Variants in EVC2 observed in about 807,000 individuals in gnomAD.
EVC2 encodes limbin.
EVC2 carries 148 observed loss-of-function variants against 149.3 expected under a neutral mutation model. The observed-to-expected ratio is 0.99, with a 90% confidence interval of 0.87 to 1.14. The LOEUF (loss-of-function observed/expected upper bound fraction) is 1.14, where lower values mean the gene tolerates loss of function less well. Ranked by LOEUF, EVC2 falls within the 50% of genes most tolerant of loss-of-function variation. EVC2 has a pLI of 0.00. For missense variants in EVC2, 1,854 were observed against 1,627.3 expected (o/e 1.14, Z -2.40); for synonymous variants, 776 against 649.9 (o/e 1.19, Z -2.95).
intron 9 of EVC2, among the ~76,000 whole-genome samples, chr4:5,656,301 C>T (rs1191443205): frequency 6.6e-6 from 1 of 152,126 alleles, no homozygotes; most frequent in Non-Finnish European, 1.5e-5. Context: ...CTGACACACC[C>T]CATCGAGTCC....
intron 16 of EVC2, among the ~76,000 whole-genome samples, chr4:5,604,737 TGATA>T (rs1714251322): frequency 6.6e-6 from 1 of 151,670 alleles, no homozygotes; most frequent in Admixed American, 6.6e-5. Flanking sequence ...ATACATGGAG[TGATA>T]GATATCCTAA....
chr4:5,572,333 CT>C (rs1168257560), intron 19 of EVC2, among the ~76,000 whole-genome samples: 1 of 152,200 alleles, frequency 6.6e-6, no homozygotes, highest in Non-Finnish European at 1.5e-5. Context: ...CATGTTGAAA[CT>C]TAACCACAAA....
chr4:5,674,935 CGGA>C (rs1417633824), intron 7 of EVC2, among the ~76,000 whole-genome samples: 4 of 152,120 alleles, frequency 2.6e-5, no homozygotes, highest in Non-Finnish European at 5.9e-5. Flanking sequence ...CGAATGTCCA[CGGA>C]GAAGGCAAAA....
intron 4 of EVC2, 122 bp from the exon 5 acceptor site, chr4:5,689,465 C>T: frequency 2.0e-6 from 2 of 988,488 alleles, no homozygotes; most frequent in East Asian, 2.6e-5. Context: ...CACGGTCTCG[C>T]AGAGGGCCTG....
At position 5,618,773 on chromosome 4, in the gene EVC2, T is replaced by C. The variant is rs1577165098; in HGVS notation, c.2502-91A>G. 8.1e-7 allele frequency: 1 copy of C among 1,230,460 alleles called. No individual in the cohort carries two copies. The highest frequency in any genetic ancestry group is 2.5e-5 in the East Asian group (1 of 39,392). The allele number at this position is 1,230,460 out of a possible 1,614,324, so 76.2% of individuals were successfully genotyped here. The stretch of plus-strand genomic sequence containing the variant: ...AAGCCAGAGATGCAAAGCTCATTCC[T>C]CATATCCATGTCTGCAGAAAAAGCA... On this transcript the variant is annotated intron_variant, in intron 14 of 21. Coordinates refer to ENST00000344408, the MANE Select transcript of EVC2 (RefSeq NM_147127.5). This position sits in a 1 kb window ranked among gnomAD's most constrained non-coding sequence, Gnocchi z 4.4.
intron 16 of EVC2, among the ~76,000 whole-genome samples, 193 bp from the exon 17 acceptor site, chr4:5,585,043 C>T (rs573002532): frequency 7.2e-5 from 11 of 152,190 alleles, no homozygotes; most frequent in Non-Finnish European, 1.5e-4. Flanking sequence ...ACGCCAGGGG[C>T]TTGGGGAGCC....
At chr4:5,629,714 C>T (rs1194214656) in intron 11 of EVC2, among the ~76,000 whole-genome samples, 1 of 152,226 alleles carries the variant, frequency 6.6e-6, no homozygotes, top group Non-Finnish European at 1.5e-5. Context: ...CATGGCCAGT[C>T]AGGTGTGGCT....
At chr4:5,653,517 T>G (rs1463358479) in intron 9 of EVC2, among the ~76,000 whole-genome samples, 2 of 152,162 alleles carry the variant, frequency 1.3e-5, no homozygotes, top group Non-Finnish European at 1.5e-5. Context: ...TCTTAACTCA[T>G]GAGCTGGGAC....
chr4:5,684,044 GCTTAC>G (rs931913774), intron 6 of EVC2, among the ~76,000 whole-genome samples: 4 of 152,146 alleles, frequency 2.6e-5, no homozygotes, highest in African/African-American at 9.7e-5. Flanking sequence ...GCTTTCTGAT[GCTTAC>G]CTTGTCTTTT....
At chr4:5,700,360 C>T (rs972688335) in intron 1 of EVC2, among the ~76,000 whole-genome samples, 1 of 152,146 alleles carries the variant, frequency 6.6e-6, no homozygotes, top group African/African-American at 2.4e-5. Flanking sequence ...GATGGTGCAC[C>T]GAACTCCACA....
At position 5,636,895 on chromosome 4, in the gene EVC2, T is replaced by A. The variant is rs575883995; in HGVS notation, c.1470+3619A>T. ...GTTTTGTGAGATGGAATCACTTGCA[T>A]GGACTGGAAGGAAACTAGTTCTATT... On this transcript the variant is annotated intron_variant, in intron 10 of 21. Transcript: ENST00000344408. This position sits in a 1 kb window ranked among gnomAD's most constrained non-coding sequence, Gnocchi z 4.6. Among the ~76,000 whole-genome samples the A allele has an allele frequency of 6.6e-6, 1 of 152,346 alleles. No homozygotes were observed. Among genetic ancestry groups the A allele is most frequent in the East Asian group, 1.9e-4 (1 of 5,190 alleles).
At chr4:5,644,555 A>G (rs6854463) in intron 9 of EVC2, among the ~76,000 whole-genome samples, 100,088 of 152,038 alleles carry the variant, frequency 0.66, 33,144 homozygotes, top group African/African-American at 0.72. Flanking sequence ...TGCCCGCCTC[A>G]GCCTCTCAAA....
intron 17 of EVC2, among the ~76,000 whole-genome samples, chr4:5,582,769 G>T (rs756391008): frequency 6.6e-6 from 1 of 152,162 alleles, no homozygotes; most frequent in Non-Finnish European, 1.5e-5. Context: ...ACTGGATCAC[G>T]GGGGTCCTTC....
rs1352051827 is a variant in EVC2 at position 5,708,473 on chromosome 4, A to T, written c.41T>A (p.Leu14Gln). Residue 14 changes from leucine to glutamine, a missense_variant, in exon 1 of 22, where the codon CTG becomes CAG. By Grantham distance (113) the Leu-to-Gln change is moderately radical. Transcript: ENST00000344408. ...GGCCACTGCCAGGAGACCCCCGGCC[A>T]GCACCCACGTGGGGCGCCCCCGGGA... ...SGSRGRPTWV[L>Q]AGGLLAVALA... 2.0e-6 allele frequency: 3 copies of T among 1,500,464 alleles called. No individual in the cohort carries two copies. Among genetic ancestry groups the T allele is most frequent in the Non-Finnish European group, 2.6e-6 (3 of 1,132,422 alleles). The allele number at this position is 1,500,464 out of a possible 1,614,324, so 92.9% of individuals were successfully genotyped here. A position where few individuals can be genotyped will look rare whatever the true frequency, so the allele number is the denominator to read the frequency against.
At chr4:5,586,655 T>A (rs945579437) in intron 16 of EVC2, among the ~76,000 whole-genome samples, 1 of 152,186 alleles carries the variant, frequency 6.6e-6, no homozygotes, top group African/African-American at 2.4e-5. Flanking sequence ...CACAACCCCC[T>A]TAGTGTAACC....
rs1719530971 is a variant in EVC2, at chr4:5,669,967, A to G, written c.871-4318T>C. Among the ~76,000 whole-genome samples the G allele has an allele frequency of 3.3e-5, 5 of 152,284 alleles. No individual in the cohort carries two copies. In the South Asian group the frequency reaches 1.0e-3, roughly 32 times the overall value. ...CTTTCTGACACCAAGTAACAAGCAA[A>G]CCTAGGTAGAGCCTACCTCCATGGG... On this transcript the variant is annotated intron_variant, in intron 7 of 21. Coordinates refer to ENST00000344408, the MANE Select transcript of EVC2 (RefSeq NM_147127.5).
At chr4:5,691,472 AT>A in intron 3 of EVC2, 139 bp from the exon 4 acceptor site, 1 of 699,624 alleles carries the variant, frequency 1.4e-6, no homozygotes, top group East Asian at 2.7e-5. Flanking sequence ...TTGAAGTCTT[AT>A]TTTTTAAAAG....
In EVC2 at chr4:5,584,153, G is replaced by T. The variant is rs1303774461; in HGVS notation, c.3057+470C>A. Among the ~76,000 whole-genome samples the T allele has an allele frequency of 2.0e-5, 3 of 152,038 alleles. No individual in the cohort carries two copies. The East Asian group carries it at 5.8e-4, about 29-fold the overall frequency. ...GAAATTCTAAAATCTACACATAAAAGACCTAAAATTAGTCACCAAAACAGT... is the reference window on the plus strand; with the variant it reads ...GAAATTCTAAAATCTACACATAAAATACCTAAAATTAGTCACCAAAACAGT... On this transcript the variant is annotated intron_variant, in intron 17 of 21. Coordinates refer to ENST00000344408, the MANE Select transcript of EVC2 (RefSeq NM_147127.5).
chr4:5,647,846 A>G (rs1717836886), intron 9 of EVC2, among the ~76,000 whole-genome samples: 1 of 152,208 alleles, frequency 6.6e-6, no homozygotes, highest in African/African-American at 2.4e-5. Context: ...TTAAAATAGG[A>G]AAACAGGCAG....
Sources: allele counts gnomAD v4.1 joint callset (sites outside exome capture counted in the v4.1 genomes callset), GRCh38; gene constraint gnomAD v4.1.1; non-coding constraint Gnocchi (gnomAD v3.1); transcripts MANE v1.5; gene names NCBI Gene and HGNC (gene_info 2026-07-23, HGNC 2026-07-21).